PTPRD: variants seen among roughly 807,000 people sequenced by gnomAD.
PTPRD encodes protein tyrosine phosphatase receptor type D, also known as receptor-type tyrosine-protein phosphatase delta.
A neutral mutation model predicts 214.5 loss-of-function variants in PTPRD; 34 were observed. The observed-to-expected ratio is 0.16, with a 90% CI of 0.12 to 0.21. The LOEUF (loss-of-function observed/expected upper bound fraction) is 0.21, where lower values mean the gene tolerates loss of function less well. Ranked by LOEUF, PTPRD falls within the 10% of genes least tolerant of loss-of-function variation. The pLI, the probability that PTPRD is intolerant of heterozygous loss-of-function variation, is 1.00. For missense variants in PTPRD, 2,545 were observed against 2,398.7 expected, an observed-to-expected ratio of 1.06 and a Z score of -1.27; for synonymous variants, 1,128 against 845.7, an observed-to-expected ratio of 1.33 and a Z score of -5.79.
rs117823788 is a variant in PTPRD at position 9,133,018 on chromosome 9, G to T, written c.-143+50286C>A. Among the ~76,000 whole-genome samples the T allele has an allele frequency of 2.6e-5, 4 of 152,152 alleles. No individual in the cohort carries two copies. In the East Asian group the frequency reaches 5.8e-4, roughly 22 times the overall value. On this transcript the variant is annotated intron_variant, in intron 10 of 45. Coordinates refer to ENST00000381196, the MANE Select transcript of PTPRD (RefSeq NM_002839.4). ...TTTTCATTTTTTAAGTTACTCTAAGGGTAGTGATTTCAATAGAAGATATTT... is the reference window on the plus strand; with the variant it reads ...TTTTCATTTTTTAAGTTACTCTAAGTGTAGTGATTTCAATAGAAGATATTT...
intron 4 of PTPRD, among the ~76,000 whole-genome samples, chr9:9,954,561 CAGAAAT>C (rs142068649): frequency 0.27 from 40,246 of 151,200 alleles, 6,038 homozygotes; most frequent in East Asian, 0.5. Context: ...TAAAATAATG[CAGAAAT>C]AGAAAATCTG....
At chr9:8,321,603 G>C (rs188013122) in intron 44 of PTPRD, among the ~76,000 whole-genome samples, 1 of 148,500 alleles carries the variant, frequency 6.7e-6, no homozygotes, top group African/African-American at 2.5e-5. Context: ...AAAACAATGA[G>C]AACAGGCACA....
chr9:8,454,322 C>G (rs894674338), intron 33 of PTPRD, among the ~76,000 whole-genome samples: 8 of 152,234 alleles, frequency 5.3e-5, no homozygotes, highest in Admixed American at 5.2e-4. Context: ...TGACCACAAA[C>G]AAAACTCAGA....
chr9:9,242,221 G>C (rs1161885801), intron 9 of PTPRD, among the ~76,000 whole-genome samples: 1 of 152,196 alleles, frequency 6.6e-6, no homozygotes, highest in Non-Finnish European at 1.5e-5. Flanking sequence ...TCAGCTGTTA[G>C]TCTGATGGGC....
chr9:9,106,977 T>C (rs372523200), intron 10 of PTPRD, among the ~76,000 whole-genome samples: 112 of 152,328 alleles, frequency 7.4e-4, no homozygotes, highest in African/African-American at 2.6e-3. Flanking sequence ...AGCTAGCATT[T>C]TAAAACTTCT....
At chr9:9,144,488 C>A (rs1429618140) in intron 10 of PTPRD, among the ~76,000 whole-genome samples, 1 of 151,990 alleles carries the variant, frequency 6.6e-6, no homozygotes, top group African/African-American at 2.4e-5. Flanking sequence ...GTGCGGTGAC[C>A]CATGCCTGTA....
At chr9:10,561,586 A>G (rs2063977744) in intron 2 of PTPRD, among the ~76,000 whole-genome samples, 1 of 152,120 alleles carries the variant, frequency 6.6e-6, no homozygotes, top group South Asian at 2.1e-4. Flanking sequence ...ACCAAATATA[A>G]CCCAGGAATA....
chr9:8,702,451 G>A (rs1168531374), intron 12 of PTPRD, among the ~76,000 whole-genome samples: 1 of 152,106 alleles, frequency 6.6e-6, no homozygotes, highest in Non-Finnish European at 1.5e-5. Flanking sequence ...GAGTTCATGA[G>A]AATAAAGAAA....
rs77862606 is a variant in PTPRD, at chr9:9,449,243, T to C, written c.-236-51761A>G. 5.1e-4 allele frequency among the ~76,000 whole-genome samples: 77 copies of C among 152,172 alleles called. 1 individual carries two copies. The highest frequency in any genetic ancestry group is 9.6e-4 in the Non-Finnish European group (65 of 67,986). On this transcript the variant is annotated intron_variant, in intron 8 of 45. Coordinates refer to ENST00000381196, the MANE Select transcript of PTPRD (RefSeq NM_002839.4). ...ACTTACCATTTTGGAATTATAGATA[T>C]TGTATTTTGAGTTGTGCTGATGTGT...
intron 12 of PTPRD, among the ~76,000 whole-genome samples, chr9:8,659,527 T>C (rs900288450): frequency 2.2e-4 from 33 of 152,230 alleles, no homozygotes; most frequent in African/African-American, 7.5e-4. Flanking sequence ...AATATATCTT[T>C]GAAGGTTTCT....
chr9:9,256,875 A>G (rs1459423156), intron 9 of PTPRD, among the ~76,000 whole-genome samples: 1 of 152,010 alleles, frequency 6.6e-6, no homozygotes, highest in Non-Finnish European at 1.5e-5. Context: ...CTCTGTTGAC[A>G]TCTCCTCTCA....
chr9:8,526,264 A>AAAG (rs2074098979), intron 17 of PTPRD, among the ~76,000 whole-genome samples: 1 of 148,366 alleles, frequency 6.7e-6, no homozygotes, highest in Non-Finnish European at 1.5e-5. Context: ...AAAAAAGGAA[A>AAAG]AAGAAGAAAA....
chr9:8,326,437 A>G (rs577307013), intron 44 of PTPRD, among the ~76,000 whole-genome samples: 2 of 151,882 alleles, frequency 1.3e-5, no homozygotes, highest in African/African-American at 2.4e-5. Flanking sequence ...ATCGTGGTGG[A>G]TAAGCTTTTT....
chr9:10,050,987 G>T (rs936364969), intron 3 of PTPRD, among the ~76,000 whole-genome samples: 2 of 151,996 alleles, frequency 1.3e-5, no homozygotes, highest in Non-Finnish European at 2.9e-5. Context: ...TTCCTAAATA[G>T]TGTAAAATAT....
chr9:8,612,860 GA>G (rs2095497248), intron 14 of PTPRD, among the ~76,000 whole-genome samples: 1 of 152,128 alleles, frequency 6.6e-6, no homozygotes, highest in African/African-American at 2.4e-5. Context: ...ATTGCCTCTA[GA>G]GTGATTATTT....
chr9:8,708,246 T>C (rs1355636030), intron 12 of PTPRD, among the ~76,000 whole-genome samples: 1 of 152,012 alleles, frequency 6.6e-6, no homozygotes, highest in South Asian at 2.1e-4. Flanking sequence ...TCTGTTAGAG[T>C]GGTTGTTATC....
intron 3 of PTPRD, among the ~76,000 whole-genome samples, chr9:10,252,469 GCCT>G (rs1773419808): frequency 6.6e-6 from 1 of 152,054 alleles, no homozygotes; most frequent in East Asian, 1.9e-4. Context: ...AGTAACACCA[GCCT>G]CCTCCATTGT....
intron 3 of PTPRD, among the ~76,000 whole-genome samples, chr9:10,048,331 G>C (rs2154150553): frequency 6.6e-6 from 1 of 152,182 alleles, no homozygotes; most frequent in East Asian, 1.9e-4. Context: ...CTAGCCCCCA[G>C]TACTTCAGGT....
chr9:10,594,875 G>A (rs890295966), intron 2 of PTPRD, among the ~76,000 whole-genome samples: 3 of 151,984 alleles, frequency 2.0e-5, no homozygotes, highest in African/African-American at 7.2e-5. Flanking sequence ...AATGAAAAAT[G>A]CTACTTAGTT....
Sources: gnomAD v4.1 joint callset for allele counts (sites outside exome capture counted in the v4.1 genomes callset) on GRCh38, gnomAD v4.1.1 for gene constraint, MANE v1.5 for transcripts, NCBI Gene and HGNC (gene_info 2026-07-23, HGNC 2026-07-21) for gene names.